The following ATXN7 variants were observed in gnomAD, a reference collection of about 807,000 sequenced individuals.
ATXN7 encodes ataxin 7, also known as ataxin-7.
A neutral mutation model predicts 70.5 loss-of-function variants in ATXN7; 12 were observed. The ratio of observed to expected loss-of-function variants is 0.17; its 90% confidence interval spans 0.11 to 0.28. ATXN7 has a LOEUF of 0.28. Among genes scored for constraint, ATXN7 ranks in the 10% least tolerant of loss-of-function variants. ATXN7 has a pLI of 1.00. For missense variants in ATXN7, 1,256 were observed against 1,131.7 expected, an observed-to-expected ratio of 1.11 and a Z score of -1.58; for synonymous variants, 498 against 448.7, an observed-to-expected ratio of 1.11 and a Z score of -1.39.
intron 1 of ATXN7, among the ~76,000 whole-genome samples, chr3:63,873,273 A>G (rs1702649192): frequency 6.6e-6 from 1 of 152,174 alleles, no homozygotes; most frequent in Non-Finnish European, 1.5e-5. Flanking sequence ...ACTACTTTAA[A>G]CATAAAGAGA....
chr3:63,869,828 T>A (rs1702544029), intron 1 of ATXN7, among the ~76,000 whole-genome samples: 1 of 152,248 alleles, frequency 6.6e-6, no homozygotes, highest in South Asian at 2.1e-4. Flanking sequence ...GCCTTTTACA[T>A]TTTCTTGTTA....
chr3:63,947,416 T>A (rs1340504675), intron 4 of ATXN7, among the ~76,000 whole-genome samples: 2 of 152,064 alleles, frequency 1.3e-5, no homozygotes, highest in Non-Finnish European at 2.9e-5. Context: ...GAGACCCCTG[T>A]CTCTACAAAA....
rs540129725 is a variant in ATXN7 at position 63,943,262 on chromosome 3, C to T, written c.395-9117C>T. Among the ~76,000 whole-genome samples, 6 of 152,276 alleles carry T rather than the reference C, an allele frequency of 3.9e-5. No individual in the cohort carries two copies. The South Asian group carries it at 1.0e-3, about 26-fold the overall frequency. On this transcript the variant is annotated intron_variant, in intron 4 of 12. Transcript: ENST00000674280. ...TGTCAAGGATTTCAGAATGCCAAAG[C>T]GGAGAGTTCGAAGAGAGCAGTGTGT... is the stretch of plus-strand genomic sequence containing the variant.
intron 4 of ATXN7, among the ~76,000 whole-genome samples, chr3:63,921,410 A>G (rs1471279143): frequency 2.0e-5 from 3 of 152,180 alleles, no homozygotes; most frequent in East Asian, 3.8e-4. Context: ...CTCCAGACAT[A>G]CGGTTGTTGG....
At chr3:63,966,707 A>G (rs2106708683) in intron 5 of ATXN7, among the ~76,000 whole-genome samples, 1 of 152,308 alleles carries the variant, frequency 6.6e-6, no homozygotes, top group East Asian at 1.9e-4. Context: ...AATTTGGTCT[A>G]ATAGAAGCCG....
chr3:63,898,709 CA>C (rs1252769236), intron 2 of ATXN7, among the ~76,000 whole-genome samples: 1 of 152,164 alleles, frequency 6.6e-6, no homozygotes, highest in African/African-American at 2.4e-5. Context: ...TTTCTCAACA[CA>C]AAAACTACTA....
chr3:63,990,868 CTGT>C lies in ATXN7; in HGVS notation c.1682+14_1682+16del. The C allele has an allele frequency of 1.9e-6, 3 of 1,614,214 alleles. No homozygotes were observed. Among genetic ancestry groups the C allele is most frequent in the Non-Finnish European group, 1.7e-6 (2 of 1,180,036 alleles). On this transcript the variant is annotated intron_variant, in intron 11 of 12. Transcript: ENST00000674280. Reference sequence around the variant, plus strand: ...AATGCACAGCTATGGAAGTGAGTGCCTGTTGTTCTTGGGAGAGGAGCTGACTTT... The same window carrying C: ...AATGCACAGCTATGGAAGTGAGTGCCTGTTCTTGGGAGAGGAGCTGACTTT...
chr3:63,872,865 G>A (rs1368050785), intron 1 of ATXN7, among the ~76,000 whole-genome samples: 1 of 152,082 alleles, frequency 6.6e-6, no homozygotes, highest in African/African-American at 2.4e-5. Context: ...CCATTTTAAA[G>A]GTATGAAAAG....
Position 64,002,497 on chromosome 3 carries a change from G to A in ATXN7, c.*3030G>A, listed in dbSNP as rs1365884188. 2 of 151,138 alleles carry A rather than the reference G, an allele frequency of 1.3e-5. No individual in the cohort carries two copies. The highest frequency in any genetic ancestry group is 2.9e-5 in the Non-Finnish European group (2 of 67,980). 9.4% of individuals were successfully genotyped at this position (151,138 alleles called of 1,614,324 possible). On this transcript the variant is annotated 3_prime_UTR_variant, in exon 13 of 13. Transcript: ENST00000674280. ...ATTTTATGTGTGGGAGTATGTGACT[G>A]CGTGTGTGTGTGCCTGTGCGTGTGT...
chr3:63,979,368 T>G (rs555184158), intron 5 of ATXN7, among the ~76,000 whole-genome samples: 6 of 152,288 alleles, frequency 3.9e-5, no homozygotes, highest in African/African-American at 1.4e-4. Context: ...CAGCACAGAT[T>G]CTTAGGGAAC....
intron 4 of ATXN7, among the ~76,000 whole-genome samples, chr3:63,950,618 T>G (rs931623712): frequency 7.2e-5 from 11 of 152,194 alleles, no homozygotes; most frequent in Non-Finnish European, 1.2e-4. Context: ...TAAATGACTT[T>G]AAATTTTATT....
chr3:63,910,550 G>C (rs1703975795), intron 2 of ATXN7, among the ~76,000 whole-genome samples: 1 of 152,118 alleles, frequency 6.6e-6, no homozygotes. Context: ...AATCTGCATA[G>C]GGGTCATCTA....
chr3:63,899,072 T>A (rs1048845210), intron 2 of ATXN7, among the ~76,000 whole-genome samples: 2 of 151,470 alleles, frequency 1.3e-5, no homozygotes, highest in African/African-American at 4.9e-5. Flanking sequence ...TTTTTTTTTT[T>A]CTTTTTTTGA....
Position 63,995,577 on chromosome 3 carries a change from G to C in ATXN7, c.1755G>C (p.Pro585=). 1.2e-6 allele frequency: 2 copies of C among 1,614,088 alleles called. No homozygotes were observed. The highest frequency in any genetic ancestry group is 1.7e-6 in the Non-Finnish European group (2 of 1,180,022). The change falls in exon 12 of 13, where the codon CCG becomes CCC. Residue 585 remains proline (P), a synonymous_variant. Coordinates refer to ENST00000674280, the MANE Select transcript of ATXN7 (RefSeq NM_001377405.1). ...TTCCTCACCGGACAAACTCTGTGCC[G>C]ACATCACAATGTGGAGTCAGCTATC... ...TRIPHRTNSV[P]TSQCGVSYLA...
chr3:63,885,973 C>T (rs922540387), intron 1 of ATXN7, among the ~76,000 whole-genome samples: 7 of 151,960 alleles, frequency 4.6e-5, no homozygotes, highest in Non-Finnish European at 8.8e-5. Context: ...GCTGGGATCA[C>T]GCCACTATAC....
At chr3:63,963,255 G>A (rs190930949) in intron 5 of ATXN7, among the ~76,000 whole-genome samples, 1 of 152,162 alleles carries the variant, frequency 6.6e-6, no homozygotes, top group African/African-American at 2.4e-5. Flanking sequence ...CCTTCACAGT[G>A]CATTTTTGTA....
At chr3:63,953,737 G>A (rs1333739909) in intron 5 of ATXN7, among the ~76,000 whole-genome samples, 1 of 147,886 alleles carries the variant, frequency 6.8e-6, no homozygotes, top group Non-Finnish European at 1.5e-5. Flanking sequence ...TGCAACCTCC[G>A]CCTCCCAGAT....
At chr3:63,939,422 CCTCCCTTCCCCATACT>C (rs2074717928) in intron 4 of ATXN7, among the ~76,000 whole-genome samples, 1 of 152,130 alleles carries the variant, frequency 6.6e-6, no homozygotes. Flanking sequence ...AAACCAAGCA[CCTCCCTTCCCCATACT>C]ATAGTCGAAG....
chr3:63,865,727 T>TA (rs377336196), intron 1 of ATXN7, among the ~76,000 whole-genome samples: 40 of 147,820 alleles, frequency 2.7e-4, no homozygotes, highest in East Asian at 9.9e-4. Context: ...CCGTCTCTAC[T>TA]AAAAAAAAAT....
Sources: allele counts gnomAD v4.1 joint callset (sites outside exome capture counted in the v4.1 genomes callset), GRCh38; gene constraint gnomAD v4.1.1; transcripts MANE v1.5; gene names NCBI Gene and HGNC (gene_info 2026-07-23, HGNC 2026-07-21).